KAZN: variants seen among roughly 807,000 people sequenced by gnomAD.
The protein encoded by KAZN is kazrin, periplakin interacting protein, also known as kazrin.
Under a neutral mutation model 87.4 loss-of-function variants are expected in KAZN, and 40 were observed. That is an observed-to-expected ratio of 0.46 (90% CI 0.36 to 0.60). The LOEUF (loss-of-function observed/expected upper bound fraction) is 0.60, where lower values mean the gene tolerates loss of function less well. Ranked by LOEUF, KAZN falls within the 20% of genes least tolerant of loss-of-function variation. The probability of loss-of-function intolerance (pLI) is 0.00; values close to 1 mark genes in which losing one functional copy is unlikely to be tolerated. For synonymous variants in KAZN, 466 were observed against 458.3 expected, an observed-to-expected ratio of 1.02 and a Z score of -0.22; for missense variants, 898 against 1,073.9, an observed-to-expected ratio of 0.84 and a Z score of 2.29.
In KAZN at chr1:14,276,975, G is replaced by A. The variant is rs1652406432; in HGVS notation, c.249+96383G>A. On this transcript the variant is annotated intron_variant, in intron 2 of 16. Coordinates refer to the KAZN transcript ENST00000636203. Reference sequence around the variant, plus strand: ...CCTATACATTAATCAAGATTGGCCTGTAATTTTCCTTATACAATTGTCCTT... The same window carrying A: ...CCTATACATTAATCAAGATTGGCCTATAATTTTCCTTATACAATTGTCCTT... Among the ~76,000 whole-genome samples, 3 of 152,164 alleles carry A rather than the reference G, an allele frequency of 2.0e-5. No homozygotes were observed. The South Asian group carries it at 6.2e-4, about 31-fold the overall frequency.
At chr1:14,173,446 TTCC>T (rs1290682086) in intron 1 of KAZN, among the ~76,000 whole-genome samples, 1 of 152,028 alleles carries the variant, frequency 6.6e-6, no homozygotes, top group Non-Finnish European at 1.5e-5. Flanking sequence ...CAGGCAAGAG[TTCC>T]TCAAGTGATG....
At chr1:14,235,879 G>A (rs1245878766) in intron 2 of KAZN, among the ~76,000 whole-genome samples, 1 of 152,092 alleles carries the variant, frequency 6.6e-6, no homozygotes, top group Non-Finnish European at 1.5e-5. Flanking sequence ...ACTCTCCACG[G>A]TCTTGTACAG....
chr1:13,949,140 C>T (rs796235014), intron 1 of KAZN, among the ~76,000 whole-genome samples: 30 of 152,358 alleles, frequency 2.0e-4, no homozygotes, highest in African/African-American at 6.5e-4. Flanking sequence ...CCCCTCTCCT[C>T]TGTACCCAGA....
chr1:14,538,522 T>A (rs1013222953), intron 2 of KAZN, among the ~76,000 whole-genome samples: 1 of 152,144 alleles, frequency 6.6e-6, no homozygotes, highest in Non-Finnish European at 1.5e-5. Flanking sequence ...AGAAATGCTG[T>A]CCTCACATGG....
chr1:14,926,552 A>G (rs1659190777), intron 1 of KAZN, among the ~76,000 whole-genome samples: 1 of 152,148 alleles, frequency 6.6e-6, no homozygotes, highest in Non-Finnish European at 1.5e-5. Context: ...AGTTTTCTCT[A>G]CCCTACTGCC....
intron 1 of KAZN, among the ~76,000 whole-genome samples, chr1:13,988,206 A>G (rs774399678): frequency 2.0e-5 from 3 of 152,224 alleles, no homozygotes; most frequent in Non-Finnish European, 1.5e-5. Context: ...TTGGAGAATA[A>G]AATAAATTAT....
At chr1:14,612,544 T>A (rs529152910) in intron 1 of KAZN, among the ~76,000 whole-genome samples, 2 of 152,320 alleles carry the variant, frequency 1.3e-5, no homozygotes, top group South Asian at 4.1e-4. Context: ...ATGTAGGTAC[T>A]GTGGGACATT....
At chr1:15,101,181 T>TCTCTCTCTCTCTCTCTCTCTCTCTCC (rs1641048823) in intron 10 of KAZN, among the ~76,000 whole-genome samples, 1 of 151,332 alleles carries the variant, frequency 6.6e-6, no homozygotes, top group Admixed American at 6.6e-5. Context: ...TCTCTCTCTC[T>TCTCTCTCTCTCTCTCTCTCTCTCTCC]CTCTCTGCCT....
At chr1:14,849,804 T>C (rs1649216605) in intron 1 of KAZN, among the ~76,000 whole-genome samples, 1 of 152,190 alleles carries the variant, frequency 6.6e-6, no homozygotes, top group African/African-American at 2.4e-5. Context: ...ATTGTTTCCA[T>C]AGCAGCAGAA....
rs79872894 is a variant in KAZN at position 15,108,732 on chromosome 1, A to T, written c.2049-3695A>T. The stretch of plus-strand genomic sequence containing the variant: ...CCCCAACCTTCCTTCCTGCACCATG[A>T]TGCCTATTTAGTGCCCAGGGTTCTC... On this transcript the variant is annotated intron_variant, in intron 13 of 14. Coordinates refer to ENST00000376030, the MANE Select transcript of KAZN (RefSeq NM_201628.3). 2.2e-3 allele frequency among the ~76,000 whole-genome samples: 340 copies of T among 152,304 alleles called. 2 individuals carry two copies. Among genetic ancestry groups the T allele is most frequent in the African/African-American group, 7.9e-3 (329 of 41,578 alleles).
intron 2 of KAZN, among the ~76,000 whole-genome samples, chr1:15,024,649 C>T (rs1054292747): frequency 6.6e-6 from 1 of 152,202 alleles, no homozygotes; most frequent in Non-Finnish European, 1.5e-5. Flanking sequence ...AGGCTAATAG[C>T]GGGAGAGCCT....
intron 1 of KAZN, among the ~76,000 whole-genome samples, chr1:13,930,045 A>G (rs753411678): frequency 1.3e-5 from 2 of 151,914 alleles, no homozygotes; most frequent in Non-Finnish European, 2.9e-5. Flanking sequence ...CTGCTTCCTT[A>G]TTTCCCCTTC....
chr1:14,074,710 A>G (rs1345721684), intron 1 of KAZN, among the ~76,000 whole-genome samples: 1 of 152,150 alleles, frequency 6.6e-6, no homozygotes, highest in Non-Finnish European at 1.5e-5. Context: ...AAGGGCTTTT[A>G]AGCATTAATG....
intron 2 of KAZN, among the ~76,000 whole-genome samples, chr1:14,319,356 A>G (rs1033153306): frequency 4.6e-5 from 7 of 152,044 alleles, no homozygotes; most frequent in African/African-American, 1.7e-4. Context: ...CTGAATTCAA[A>G]CAATTCCTGA....
chr1:14,528,843 C>T (rs1372554438), intron 2 of KAZN, among the ~76,000 whole-genome samples: 1 of 151,872 alleles, frequency 6.6e-6, no homozygotes, highest in Non-Finnish European at 1.5e-5. Context: ...TCATCCATCT[C>T]AGGCAACATT....
intron 5 of KAZN, among the ~76,000 whole-genome samples, chr1:15,059,819 G>A (rs1638626153): frequency 6.6e-6 from 1 of 152,202 alleles, no homozygotes. Context: ...TCACGGTGCT[G>A]CTTAGAAATG....
chr1:14,422,765 G>A (rs1358529393), intron 2 of KAZN, among the ~76,000 whole-genome samples: 1 of 152,186 alleles, frequency 6.6e-6, no homozygotes, highest in Non-Finnish European at 1.5e-5. Context: ...CTAAGAGATG[G>A]CAGCTCATCT....
intron 2 of KAZN, among the ~76,000 whole-genome samples, chr1:14,398,260 A>G (rs1319573751): frequency 6.6e-6 from 1 of 152,232 alleles, no homozygotes; most frequent in African/African-American, 2.4e-5. Context: ...CTCTTTTCCT[A>G]CAAACGAAGT....
intron 2 of KAZN, among the ~76,000 whole-genome samples, chr1:14,435,296 C>G (rs6680283): frequency 6.6e-6 from 1 of 151,900 alleles, no homozygotes; most frequent in Non-Finnish European, 1.5e-5. Context: ...TTTGGCATTT[C>G]CACTCTGGCA....
Sources: allele counts gnomAD v4.1 joint callset (sites outside exome capture counted in the v4.1 genomes callset), GRCh38; gene constraint gnomAD v4.1.1; transcripts MANE v1.5; gene names NCBI Gene and HGNC (gene_info 2026-07-23, HGNC 2026-07-21).